The following GLS variants were observed in gnomAD, a reference collection of about 807,000 sequenced individuals.
GLS encodes glutaminase kidney isoform, mitochondrial.
Under a neutral mutation model 86.7 loss-of-function variants are expected in GLS, and 36 were observed. That is an observed-to-expected ratio of 0.42 (90% CI 0.32 to 0.55). GLS has a LOEUF of 0.55. Among genes scored for constraint, GLS ranks in the 20% least tolerant of loss-of-function variants. GLS has a pLI of 0.17. For synonymous variants in GLS, 317 were observed against 305.9 expected, an observed-to-expected ratio of 1.04 and a Z score of -0.38; for missense variants, 528 against 833.4, an observed-to-expected ratio of 0.63 and a Z score of 4.51.
Position 190,925,071 on chromosome 2 carries a change from A to T in GLS, c.1248+478A>T, listed in dbSNP as rs115280650. 3.2e-3 allele frequency among the ~76,000 whole-genome samples: 491 copies of T among 152,330 alleles called. 4 individuals are homozygous for T. Among genetic ancestry groups the T allele is most frequent in the African/African-American group, 0.011 (465 of 41,582 alleles). On this transcript the variant is annotated intron_variant, in intron 11 of 17. Coordinates refer to ENST00000320717, the MANE Select transcript of GLS (RefSeq NM_014905.5). ...CATGTTGCCTAAAAATTCATGCCTC[A>T]AAATGTAATGGGGACAATTTTTTCT...
Position 190,935,217 on chromosome 2 carries a change from A to G in GLS, c.1650+3580A>G. 1 of 832,192 alleles carries G rather than the reference A, an allele frequency of 1.2e-6. No homozygotes were observed. The highest frequency in any genetic ancestry group is 1.4e-6 in the Non-Finnish European group (1 of 690,460). 51.6% of individuals were successfully genotyped at this position (832,192 alleles called of 1,614,324 possible). ...GTTGTTTAGCTTTCATTTGCTTTGT[A>G]TATTTAATAATGTACCTTTATTTTC... On this transcript the variant is annotated intron_variant, in intron 14 of 17. Coordinates refer to ENST00000320717, the MANE Select transcript of GLS (RefSeq NM_014905.5). The surrounding 1 kb of genome is among the most constrained non-coding windows in gnomAD (Gnocchi z 4.2).
Position 190,881,149 on chromosome 2 carries a change from G to A in GLS, c.65G>A (p.Ser22Asn). The change falls in exon 1 of 18, where the codon AGC becomes AAC. Residue 22 changes from serine to asparagine, a missense_variant. This residue lies in a region of GLS where 224 missense variants were observed against 187.9 expected (regional missense o/e 1.19). Coordinates refer to ENST00000320717, the MANE Select transcript of GLS (RefSeq NM_014905.5). ...CTCCTGCGGTCGCCCGCCGGCGTGAGCGCGACTCTGCGGCGGGCACAGCCC... is the reference window on the plus strand; with the variant it reads ...CTCCTGCGGTCGCCCGCCGGCGTGAACGCGACTCTGCGGCGGGCACAGCCC... ...DLLLRSPAGVSATLRRAQPLV... is the reference protein window; with the variant it reads ...DLLLRSPAGVNATLRRAQPLV... The A allele has an allele frequency of 6.4e-7, 1 of 1,554,668 alleles. No homozygotes were observed. The highest frequency in any genetic ancestry group is 8.6e-7 in the Non-Finnish European group (1 of 1,158,636).
In GLS at chr2:190,938,612, T is replaced by C. The variant is rs561948281; in HGVS notation, c.1650+6975T>C. Among the ~76,000 whole-genome samples, 12 of 151,864 alleles carry C rather than the reference T, an allele frequency of 7.9e-5. No homozygotes were observed. In the East Asian group the frequency reaches 2.1e-3, roughly 27 times the overall value. ...TTTTCCAGGTTTCCTAGCACTTTGC[T>C]TTTTCTATTAGCATATTTAGATTTT... On this transcript the variant is annotated intron_variant, in intron 14 of 17. Transcript: ENST00000320717. This position sits in a 1 kb window ranked among gnomAD's most constrained non-coding sequence, Gnocchi z 4.1.
rs1574629087 is a variant in GLS at position 190,965,125 on chromosome 2, C to A, written c.*2139C>A. 6.6e-6 allele frequency: 1 copy of A among 152,464 alleles called. No homozygotes were observed. Among genetic ancestry groups the A allele is most frequent in the Admixed American group, 6.5e-5 (1 of 15,276 alleles). The allele number at this position is 152,464 out of a possible 1,614,324, so 9.4% of individuals were successfully genotyped here. ...TGACTGTGCTATTAACTGCTGCCGTCAGTAAACTCCAAAGATCTTTTTGTT... is the reference window on the plus strand; with the variant it reads ...TGACTGTGCTATTAACTGCTGCCGTAAGTAAACTCCAAAGATCTTTTTGTT... On this transcript the variant is annotated 3_prime_UTR_variant, in exon 18 of 18. Coordinates refer to ENST00000320717, the MANE Select transcript of GLS (RefSeq NM_014905.5). This position sits in a 1 kb window ranked among gnomAD's most constrained non-coding sequence, Gnocchi z 5.0.
In GLS at chr2:190,897,813, T is replaced by C. The variant is rs1003087361; in HGVS notation, c.605+2088T>C. Reference sequence around the variant, plus strand: ...AATTTATAAAGGTGGGTAGGTTTGGTTGAAGCAGTGTGTTAATATTTTACC... The same window carrying C: ...AATTTATAAAGGTGGGTAGGTTTGGCTGAAGCAGTGTGTTAATATTTTACC... On this transcript the variant is annotated intron_variant, in intron 3 of 17. Transcript: ENST00000320717. This position sits in a 1 kb window ranked among gnomAD's most constrained non-coding sequence, Gnocchi z 4.3. 8.5e-5 allele frequency among the ~76,000 whole-genome samples: 13 copies of C among 152,228 alleles called. No individual in the cohort carries two copies. The highest frequency in any genetic ancestry group is 7.2e-4 in the Admixed American group (11 of 15,282).
chr2:190,911,961 T>A (rs1689377071), intron 7 of GLS, among the ~76,000 whole-genome samples: 1 of 152,070 alleles, frequency 6.6e-6, no homozygotes, highest in African/African-American at 2.4e-5. Context: ...CAGTTAAAAA[T>A]CTTTCATTTA....
intron 17 of GLS, among the ~76,000 whole-genome samples, chr2:190,957,111 A>T (rs1450671328): frequency 6.6e-6 from 1 of 151,080 alleles, no homozygotes; most frequent in African/African-American, 2.4e-5. Context: ...CTTTTCTGAG[A>T]CAAGAGTCTC....
Position 190,956,043 on chromosome 2 carries a change from C to A in GLS, c.1853+1225C>A, listed in dbSNP as rs951956461. Among the ~76,000 whole-genome samples the A allele has an allele frequency of 1.3e-5, 2 of 152,018 alleles. No homozygotes were observed. Among genetic ancestry groups the A allele is most frequent in the African/African-American group, 4.8e-5 (2 of 41,372 alleles). ...TTAGCCCTTTGTCAGATGGATAGAT[C>A]GCAAAAATTTTCTCCCATTCTGTAG... On this transcript the variant is annotated intron_variant, in intron 17 of 17. Transcript: ENST00000320717. This position sits in a 1 kb window ranked among gnomAD's most constrained non-coding sequence, Gnocchi z 4.2.
rs1036213830 is a variant in GLS at position 190,957,000 on chromosome 2, T to A, written c.1853+2182T>A. 4.6e-5 allele frequency among the ~76,000 whole-genome samples: 7 copies of A among 152,312 alleles called. No individual in the cohort carries two copies. The East Asian group carries it at 1.2e-3, about 25-fold the overall frequency. The stretch of plus-strand genomic sequence containing the variant: ...AGTTGCTTATCAGCTTAAGGAGATT[T>A]TGGGCCGAGATGATGGGGTTTTGTA... On this transcript the variant is annotated intron_variant, in intron 17 of 17. Coordinates refer to ENST00000320717, the MANE Select transcript of GLS (RefSeq NM_014905.5). The surrounding 1 kb of genome is among the most constrained non-coding windows in gnomAD (Gnocchi z 4.2).
intron 14 of GLS, among the ~76,000 whole-genome samples, chr2:190,948,625 G>A (rs139540565): frequency 0.016 from 2,497 of 152,102 alleles, 35 homozygotes; most frequent in Non-Finnish European, 0.022. Context: ...ATAATAACTG[G>A]GTAATTAATA....
chr2:190,935,127 G>A lies in GLS; in HGVS notation c.1650+3490G>A, dbSNP rs1488168885. The A allele has an allele frequency of 2.4e-5, 23 of 939,902 alleles. No individual in the cohort carries two copies. Among genetic ancestry groups the A allele is most frequent in the African/African-American group, 3.6e-5 (2 of 56,220 alleles). The allele number at this position is 939,902 out of a possible 1,614,324, so 58.2% of individuals were successfully genotyped here. On this transcript the variant is annotated intron_variant, in intron 14 of 17. Transcript: ENST00000320717. This position sits in a 1 kb window ranked among gnomAD's most constrained non-coding sequence, Gnocchi z 4.2. ...TTCATTTGAAATGCATATTGTTCTT[G>A]AAGTACTTTGTTTTTAGCATAAATG...
intron 1 of GLS, among the ~76,000 whole-genome samples, chr2:190,884,847 A>G (rs1398320943): frequency 1.3e-5 from 2 of 152,228 alleles, no homozygotes; most frequent in Non-Finnish European, 2.9e-5. Context: ...CAGATGTTAA[A>G]TCAAGTAATT....
rs1690068032 is a variant in GLS, at chr2:190,930,330, T to G, written c.1426-107T>G. The G allele has an allele frequency of 7.4e-6, 6 of 814,856 alleles. No individual in the cohort carries two copies. Among genetic ancestry groups the G allele is most frequent in the Middle Eastern group, 6.3e-4 (2 of 3,184 alleles). The allele number at this position is 814,856 out of a possible 1,614,324, so 50.5% of individuals were successfully genotyped here. On this transcript the variant is annotated intron_variant, in intron 12 of 17. Coordinates refer to ENST00000320717, the MANE Select transcript of GLS (RefSeq NM_014905.5). The surrounding 1 kb of genome is among the most constrained non-coding windows in gnomAD (Gnocchi z 5.0). Reference sequence around the variant, plus strand: ...GCCTTGGCCTCCCAAAGTGCTGAGATTACAGGAGTGAGCCATGGTGCCCAG... The same window carrying G: ...GCCTTGGCCTCCCAAAGTGCTGAGAGTACAGGAGTGAGCCATGGTGCCCAG...
At position 190,962,534 on chromosome 2, in the gene GLS, A is replaced by G. The variant is rs1204883796; in HGVS notation, c.1854-296A>G. 2.0e-5 allele frequency among the ~76,000 whole-genome samples: 3 copies of G among 152,342 alleles called. No individual in the cohort carries two copies. Among genetic ancestry groups the G allele is most frequent in the Middle Eastern group, 3.4e-3 (1 of 294 alleles). ...TTCTGGAACCCTAGAGCAGTCTATT[A>G]TATCTGTCACCACAAGGACTTTCCT... On this transcript the variant is annotated intron_variant, in intron 17 of 17. Coordinates refer to ENST00000320717, the MANE Select transcript of GLS (RefSeq NM_014905.5). This position sits in a 1 kb window ranked among gnomAD's most constrained non-coding sequence, Gnocchi z 4.2.
In GLS at chr2:190,938,325, T is replaced by C. The variant is rs1438642902; in HGVS notation, c.1650+6688T>C. ...TAGTTTTTAAATTTCTATTTTCATATTATGTTTCTGGTGATTTATGTTTAT... is the reference window on the plus strand; with the variant it reads ...TAGTTTTTAAATTTCTATTTTCATACTATGTTTCTGGTGATTTATGTTTAT... On this transcript the variant is annotated intron_variant, in intron 14 of 17. Coordinates refer to ENST00000320717, the MANE Select transcript of GLS (RefSeq NM_014905.5). This position sits in a 1 kb window ranked among gnomAD's most constrained non-coding sequence, Gnocchi z 4.1. Among the ~76,000 whole-genome samples, 1 of 151,546 alleles carries C rather than the reference T, an allele frequency of 6.6e-6. No homozygotes were observed.
intron 7 of GLS, among the ~76,000 whole-genome samples, chr2:190,917,949 C>T (rs909212081): frequency 3.3e-5 from 5 of 151,950 alleles, no homozygotes; most frequent in Admixed American, 2.0e-4. Context: ...CTTTTTGAGC[C>T]GTAGGTTTCA....
chr2:190,882,904 C>T (rs1427734571), intron 1 of GLS, among the ~76,000 whole-genome samples: 1 of 152,194 alleles, frequency 6.6e-6, no homozygotes, highest in East Asian at 1.9e-4. Flanking sequence ...TCATCTGGGA[C>T]TCACTTTTAC....
Position 190,881,391 on chromosome 2 carries a change from C to T in GLS, c.307C>T (p.Pro103Ser). The change falls in exon 1 of 18, where the codon CCC (proline) becomes TCC (serine). Residue 103 changes from proline to serine, a missense_variant. Physicochemically the swap from Pro to Ser is moderately conservative, Grantham distance 74. Around this residue, in one of 4 missense-constraint regions of GLS, gnomAD observed 224 missense variants for 187.9 expected, o/e 1.19. Transcript: ENST00000320717. ...GVSPPAAPAA[P>S]GPKDGPGETD... ...GTCGCCACCCGCTGCCCCGGCGGCGCCCGGCCCCAAGGACGGCCCCGGGGA... is the reference window on the plus strand; with the variant it reads ...GTCGCCACCCGCTGCCCCGGCGGCGTCCGGCCCCAAGGACGGCCCCGGGGA... 6.5e-7 allele frequency: 1 copy of T among 1,541,506 alleles called. No homozygotes were observed. Among genetic ancestry groups the T allele is most frequent in the South Asian group, 1.2e-5 (1 of 83,634 alleles).
At chr2:190,911,592 T>A (rs1689361291) in intron 7 of GLS, among the ~76,000 whole-genome samples, 1 of 152,128 alleles carries the variant, frequency 6.6e-6, no homozygotes, top group South Asian at 2.1e-4. Flanking sequence ...TACTTTGTAG[T>A]GTGGGATATG....
Sources: gnomAD v4.1 joint callset for allele counts (sites outside exome capture counted in the v4.1 genomes callset) on GRCh38, gnomAD v4.1.1 for gene constraint, gnomAD v4.1.1 regional missense constraint, Gnocchi (gnomAD v3.1) non-coding constraint, MANE v1.5 for transcripts, NCBI Gene and HGNC (gene_info 2026-07-23, HGNC 2026-07-21) for gene names.